The following SMYD3 variants were observed in gnomAD, a reference collection of about 807,000 sequenced individuals.
SMYD3 encodes SET and MYND domain containing 3.
A neutral mutation model predicts 57.7 loss-of-function variants in SMYD3; 36 were observed. The observed-to-expected ratio is 0.62, with a 90% CI of 0.48 to 0.82. The LOEUF is 0.82. Ranked by LOEUF, SMYD3 falls within the 40% of genes least tolerant of loss-of-function variation. The probability of loss-of-function intolerance (pLI) is 0.00; values close to 1 mark genes in which losing one functional copy is unlikely to be tolerated. For synonymous variants in SMYD3, 211 were observed against 195.0 expected (o/e 1.08, Z -0.68); for missense variants, 515 against 538.8 (o/e 0.96, Z 0.44).
At chr1:246,299,410 C>G (rs530752676) in intron 5 of SMYD3, among the ~76,000 whole-genome samples, 1 of 152,184 alleles carries the variant, frequency 6.6e-6, no homozygotes, top group East Asian at 1.9e-4. Context: ...TAGGTTAGTT[C>G]AACCATTGTG....
chr1:246,221,685 C>T (rs1346649532), intron 5 of SMYD3, among the ~76,000 whole-genome samples: 4 of 152,218 alleles, frequency 2.6e-5, no homozygotes, highest in Admixed American at 2.6e-4. Context: ...GAGCTGCCCA[C>T]ACCATAGCAG....
chr1:245,867,666 G>A (rs376215209), intron 8 of SMYD3, among the ~76,000 whole-genome samples: 10,417 of 139,610 alleles, frequency 0.075, 388 homozygotes, highest in African/African-American at 0.099. Context: ...GTGCGTGCGC[G>A]CGCACACACA....
intron 5 of SMYD3, chr1:246,113,975 C>T (rs889500094): frequency 2.6e-5 from 4 of 152,080 alleles, no homozygotes; most frequent in African/African-American, 4.8e-5. Context: ...TTTAGGAATC[C>T]GCGAAAGAAA....
chr1:246,436,763 T>A (rs1488424605), intron 1 of SMYD3, among the ~76,000 whole-genome samples: 1 of 152,214 alleles, frequency 6.6e-6, no homozygotes, highest in African/African-American at 2.4e-5. Context: ...TTACTTCTAT[T>A]ACTTCTATTT....
chr1:246,330,219 G>T (rs1230904734), intron 4 of SMYD3, among the ~76,000 whole-genome samples: 2 of 152,160 alleles, frequency 1.3e-5, no homozygotes, highest in Non-Finnish European at 2.9e-5. Context: ...GAAGAAAAAT[G>T]ATTTTGTCAA....
intron 2 of SMYD3, among the ~76,000 whole-genome samples, chr1:246,341,675 C>T (rs981413961): frequency 6.6e-6 from 1 of 152,172 alleles, no homozygotes; most frequent in African/African-American, 2.4e-5. Context: ...TGAGATGTTA[C>T]ACTAATAAGA....
At chr1:246,332,915 T>C (rs1190208332) in intron 3 of SMYD3, among the ~76,000 whole-genome samples, 1 of 152,198 alleles carries the variant, frequency 6.6e-6, no homozygotes, top group Non-Finnish European at 1.5e-5. Context: ...ATAATTGAAT[T>C]TGGCTACACT....
At chr1:246,417,282 C>CA (rs2067077343) in intron 1 of SMYD3, 1 of 152,216 alleles carries the variant, frequency 6.6e-6, no homozygotes, top group South Asian at 2.1e-4. Flanking sequence ...TACAGCCCAA[C>CA]AGGTTCTTCT....
chr1:246,344,168 C>A (rs2065675205), intron 2 of SMYD3, among the ~76,000 whole-genome samples: 1 of 152,106 alleles, frequency 6.6e-6, no homozygotes, highest in African/African-American at 2.4e-5. Flanking sequence ...CATGCACGTG[C>A]CACCACACCC....
chr1:246,051,130 C>T (rs6680996), intron 5 of SMYD3, among the ~76,000 whole-genome samples: 56,215 of 148,260 alleles, frequency 0.38, 13,553 homozygotes, highest in African/African-American at 0.66. Flanking sequence ...TTTTTTCTTA[C>T]TCCTTTTTTT....
intron 8 of SMYD3, among the ~76,000 whole-genome samples, chr1:245,886,096 A>G (rs914085259): frequency 6.6e-6 from 1 of 152,250 alleles, no homozygotes. Flanking sequence ...AAATGCCAAG[A>G]TTGACTAAAT....
intron 8 of SMYD3, 134 bp from the exon 9 acceptor site, chr1:245,864,020 A>G: frequency 1.3e-6 from 1 of 749,518 alleles, no homozygotes; most frequent in South Asian, 1.8e-5. Flanking sequence ...TCATCAGGGA[A>G]ATATATAAAG....
chr1:245,804,342 G>A (rs2048032794), intron 10 of SMYD3, among the ~76,000 whole-genome samples: 1 of 152,124 alleles, frequency 6.6e-6, no homozygotes, highest in African/African-American at 2.4e-5. Flanking sequence ...TGGCACTTTG[G>A]GAGGCCAAGG....
At chr1:246,448,110 G>A (rs534380050) in intron 1 of SMYD3, among the ~76,000 whole-genome samples, 6 of 152,070 alleles carry the variant, frequency 3.9e-5, no homozygotes, top group Non-Finnish European at 5.9e-5. Context: ...CCAACTACTC[G>A]GGAGGCTGAG....
chr1:246,261,207 C>T (rs990514229), intron 5 of SMYD3, among the ~76,000 whole-genome samples: 7 of 152,110 alleles, frequency 4.6e-5, no homozygotes, highest in Admixed American at 2.6e-4. Context: ...TACAGGCGCC[C>T]GCCACCACGC....
chr1:246,041,556 C>T (rs969027049), intron 5 of SMYD3, among the ~76,000 whole-genome samples: 1 of 152,106 alleles, frequency 6.6e-6, no homozygotes, highest in Non-Finnish European at 1.5e-5. Context: ...CCCAGTGTTG[C>T]CAGGGCCCTA....
chr1:246,095,279 T>C (rs2060894506), intron 5 of SMYD3, among the ~76,000 whole-genome samples: 1 of 152,202 alleles, frequency 6.6e-6, no homozygotes. Flanking sequence ...AAGGAGCCCA[T>C]GGCCATTTCG....
chr1:246,438,593 C>T (rs2067416140), intron 1 of SMYD3, among the ~76,000 whole-genome samples: 1 of 152,124 alleles, frequency 6.6e-6, no homozygotes, highest in South Asian at 2.1e-4. Flanking sequence ...TATAAAATGG[C>T]ATAGTATTTG....
chr1:246,277,201 A>C (rs550037748), intron 5 of SMYD3, among the ~76,000 whole-genome samples: 2 of 152,356 alleles, frequency 1.3e-5, no homozygotes, highest in Admixed American at 1.3e-4. Context: ...TGTTTCAAAA[A>C]AAAAAAGTGC....
Sources: gnomAD v4.1 joint callset for allele counts (sites outside exome capture counted in the v4.1 genomes callset) on GRCh38, gnomAD v4.1.1 for gene constraint, MANE v1.5 for transcripts, NCBI Gene and HGNC (gene_info 2026-07-23, HGNC 2026-07-21) for gene names.